GUSB: variants seen among roughly 807,000 people sequenced by gnomAD.
The protein encoded by GUSB is glucuronidase beta, also known as beta-glucuronidase.
Under a neutral mutation model 74.6 loss-of-function variants are expected in GUSB, and 51 were observed. That is an observed-to-expected ratio of 0.68 (90% CI 0.55 to 0.86). The LOEUF (loss-of-function observed/expected upper bound fraction) is 0.86. GUSB is among the 40% of genes least tolerant of loss of function. The pLI, the probability that GUSB is intolerant of heterozygous loss-of-function variation, is 0.00. For missense variants in GUSB, 736 were observed against 853.7 expected (o/e 0.86, Z 1.72); for synonymous variants, 360 against 348.3 (o/e 1.03, Z -0.37).
In GUSB at chr7:65,976,096, C is replaced by T. The variant is rs1361482256; in HGVS notation, c.831G>A (p.Gln277=). Residue 277 remains glutamine (Q), a synonymous_variant, in exon 5 of 12, where the codon CAG becomes CAA. Transcript: ENST00000304895. ...TGACACCTGGCACCTTAAGTTGGCC[C>T]TGGGTCCCAGTCCCATTCGCCACGA... ...NKVVANGTGT[Q]GQLKVPGVSL... 1.2e-6 allele frequency: 2 copies of T among 1,613,894 alleles called. No individual in the cohort carries two copies. Among genetic ancestry groups the T allele is most frequent in the African/African-American group, 2.7e-5 (2 of 74,932 alleles).
intron 9 of GUSB, among the ~76,000 whole-genome samples, chr7:65,968,446 C>T (rs925750841): frequency 2.0e-5 from 3 of 152,180 alleles, no homozygotes; most frequent in Non-Finnish European, 4.4e-5. Flanking sequence ...TGCCAACGCA[C>T]AGCCCTCAGC....
chr7:65,975,146 G>A lies in GUSB; in HGVS notation c.913-75C>T, dbSNP rs1583925115. The A allele has an allele frequency of 2.2e-6, 3 of 1,334,372 alleles. No homozygotes were observed. The South Asian group carries it at 3.5e-5, about 16-fold the overall frequency. The allele number at this position is 1,334,372 out of a possible 1,614,324, so 82.7% of individuals were successfully genotyped here. On this transcript the variant is annotated intron_variant, in intron 5 of 11. Transcript: ENST00000304895. ...ATCCGGCCTGCCCTCCAGCAGGAAGGCCCCTCGTGCACCCCAGCAGCTGCC... is the reference window on the plus strand; with the variant it reads ...ATCCGGCCTGCCCTCCAGCAGGAAGACCCCTCGTGCACCCCAGCAGCTGCC...
intron 8 of GUSB, among the ~76,000 whole-genome samples, chr7:65,972,392 G>A (rs1457977174): frequency 6.6e-6 from 1 of 152,176 alleles, no homozygotes; most frequent in East Asian, 1.9e-4. Context: ...TCAAACTCCT[G>A]ACCTCAGGTG....
intron 8 of GUSB, among the ~76,000 whole-genome samples, chr7:65,972,943 G>A (rs1791310591): frequency 6.6e-6 from 1 of 152,216 alleles, no homozygotes; most frequent in Non-Finnish European, 1.5e-5. Flanking sequence ...GGGGTGTGCT[G>A]TATGAGTCAA....
At chr7:65,968,288 C>T (rs1221935139) in intron 9 of GUSB, among the ~76,000 whole-genome samples, 1 of 150,096 alleles carries the variant, frequency 6.7e-6, no homozygotes, top group Non-Finnish European at 1.5e-5. Context: ...GGGCTGAGAA[C>T]GTCCAAGTGT....
intron 9 of GUSB, among the ~76,000 whole-genome samples, chr7:65,969,528 C>T (rs1562678029): frequency 6.6e-6 from 1 of 151,992 alleles, no homozygotes; most frequent in Non-Finnish European, 1.5e-5. Context: ...GAGATGCCAC[C>T]TCTACAAAAA....
chr7:65,977,946 G>A (rs370468854), intron 4 of GUSB, among the ~76,000 whole-genome samples: 2 of 151,916 alleles, frequency 1.3e-5, no homozygotes, highest in East Asian at 1.9e-4. Flanking sequence ...GAGTCGCTGG[G>A]ACTACAGGCC....
At chr7:65,975,861 A>G (rs777412822) in intron 5 of GUSB, 154 bp downstream of exon 5, 16 of 621,730 alleles carry the variant, frequency 2.6e-5, no homozygotes, top group East Asian at 5.6e-5. Context: ...AAAAAAAAAA[A>G]AAAAAGAAAA....
chr7:65,975,105 C>G (rs934983711), intron 5 of GUSB, 34 bp from the exon 6 acceptor site: 2 of 1,608,404 alleles, frequency 1.2e-6, no homozygotes, highest in Non-Finnish European at 1.7e-6. Context: ...GTGAGCACCC[C>G]GACAGCCTGA....
chr7:65,970,388 A>G, intron 8 of GUSB, 22 bp from the exon 9 acceptor site: 1 of 1,547,770 alleles, frequency 6.5e-7, no homozygotes, highest in Non-Finnish European at 8.9e-7. Flanking sequence ...AGGCAGAAGA[A>G]ACAGGTTCCA....
At chr7:65,975,299 C>T in intron 5 of GUSB, 1 of 558,908 alleles carries the variant, frequency 1.8e-6, no homozygotes. Flanking sequence ...GGAGTTCCCA[C>T]ACTTTGGGAG....
At position 65,964,285 on chromosome 7, in the gene GUSB, G is replaced by A. The variant is rs1260079224; in HGVS notation, c.1789+38C>T. The A allele has an allele frequency of 6.3e-6, 10 of 1,582,518 alleles. No individual in the cohort carries two copies. In the Admixed American group the frequency reaches 1.7e-4, roughly 26 times the overall value. On this transcript the variant is annotated intron_variant, in intron 11 of 11. Coordinates refer to ENST00000304895, the MANE Select transcript of GUSB (RefSeq NM_000181.4). ...TGGAAAGGCAACCTGAAAAAATGAG[G>A]ACGGGTACGTTATCCCATGAGCCAA... is the stretch of plus-strand genomic sequence containing the variant.
At chr7:65,962,834 T>C (rs1027193619) in intron 11 of GUSB, among the ~76,000 whole-genome samples, 106 of 151,380 alleles carry the variant, frequency 7.0e-4, no homozygotes, top group African/African-American at 2.4e-3. Flanking sequence ...ATAGCGCCAC[T>C]GCACTCCAGC....
At chr7:65,963,187 C>T (rs868429536) in intron 11 of GUSB, among the ~76,000 whole-genome samples, 34 of 152,164 alleles carry the variant, frequency 2.2e-4, no homozygotes, top group Middle Eastern at 3.4e-3. Flanking sequence ...CATAAAGCCT[C>T]GCACCTCTCC....
In GUSB at chr7:65,970,362, C is replaced by G; in HGVS notation, c.1396G>C (p.Val466Leu). 1 of 1,609,788 alleles carries G rather than the reference C, an allele frequency of 6.2e-7. No individual in the cohort carries two copies. The highest frequency in any genetic ancestry group is 8.5e-7 in the Non-Finnish European group (1 of 1,176,574). Residue 466 changes from valine (V) to leucine (L), a missense_variant, in exon 9 of 12, where the codon GTG becomes CTG. By Grantham distance (32) the Val-to-Leu change is conservative. Around this residue, in one of 2 missense-constraint regions of GUSB, gnomAD observed 368 missense variants for 489.9 expected, o/e 0.75. Coordinates refer to ENST00000304895, the MANE Select transcript of GUSB (RefSeq NM_000181.4). ...TCCAAGGATTTGGTGTGAGCGATCA[C>G]CATCCTGTCCACAAAAGGCAGAAGA... ...LESAGYYLKM[V>L]IAHTKSLDPS...
rs143495981 is a variant in GUSB at position 65,967,904 on chromosome 7, G to C, written c.1480C>G (p.Pro494Ala). The change falls in exon 10 of 12, where the codon CCG becomes GCG. Residue 494 changes from proline (P) to alanine (A), a missense_variant. Coordinates refer to ENST00000304895, the MANE Select transcript of GUSB (RefSeq NM_000181.4). ...NSNYAADKGA[P>A]YVDVICLNSY... ...TTCAAACAGATCACATCCACATACG[G>C]AGCCTAGGACCAGAGCAGCAGAGCC... 4 of 1,600,024 alleles carry C rather than the reference G, an allele frequency of 2.5e-6. No individual in the cohort carries two copies. In the East Asian group the frequency reaches 8.9e-5, roughly 36 times the overall value.
chr7:65,978,361 T>C (rs1242705497), intron 4 of GUSB, among the ~76,000 whole-genome samples: 1 of 151,910 alleles, frequency 6.6e-6, no homozygotes, highest in African/African-American at 2.4e-5. Context: ...GGCAAGAGAA[T>C]TGTTTGAACC....
rs746455216 is a variant in GUSB, at chr7:65,974,499, C to T, written c.1244+27G>A. ...CGGTGACGCCCCCGGGCTGGGCAGGCGGAGCAGGTGCACAGCAGAGACTCA... is the reference window on the plus strand; with the variant it reads ...CGGTGACGCCCCCGGGCTGGGCAGGTGGAGCAGGTGCACAGCAGAGACTCA... On this transcript the variant is annotated intron_variant, in intron 7 of 11. Transcript: ENST00000304895. The T allele has an allele frequency of 4.0e-5, 65 of 1,613,936 alleles. No homozygotes were observed. The South Asian group carries it at 4.3e-4, about 11-fold the overall frequency.
Position 65,967,803 on chromosome 7 carries a change from G to A in GUSB, c.1581C>T (p.Asn527=). The change falls in exon 10 of 12, where the codon AAC becomes AAT. Residue 527 remains asparagine (N), a synonymous_variant. Transcript: ENST00000304895. ...IQLQLATQFE[N]WYKKYQKPII... is the part of the protein sequence containing the mutation. The stretch of plus-strand genomic sequence containing the variant: ...TGGGCTTCTGATACTTCTTATACCA[G>A]TTCTCAAACTGGGTGGCCAGCTGCA... The A allele has an allele frequency of 1.2e-6, 2 of 1,612,582 alleles. No individual in the cohort carries two copies. Among genetic ancestry groups the A allele is most frequent in the Non-Finnish European group, 1.7e-6 (2 of 1,179,538 alleles).
Sources: allele counts gnomAD v4.1 joint callset (sites outside exome capture counted in the v4.1 genomes callset), GRCh38; gene constraint gnomAD v4.1.1; regional missense constraint gnomAD v4.1.1; transcripts MANE v1.5; gene names NCBI Gene and HGNC (gene_info 2026-07-23, HGNC 2026-07-21).